The following ADPRHL1 variants were observed in gnomAD, a reference collection of about 807,000 sequenced individuals.
The protein encoded by ADPRHL1 is ADP-ribosylhydrolase like 1, also known as inactive ADP-ribosyltransferase ARH2.
ADPRHL1 carries 43 observed loss-of-function variants against 44.1 expected under a neutral mutation model. That is an observed-to-expected ratio of 0.98 (90% CI 0.76 to 1.26). The LOEUF is 1.26. Ranked by LOEUF, ADPRHL1 falls within the 50% of genes most tolerant of loss-of-function variation. The pLI is 0.00. For missense variants in ADPRHL1, 2,022 were observed against 2,496.9 expected (o/e 0.81, Z 4.05); for synonymous variants, 878 against 1,017.4 (o/e 0.86, Z 2.61).
At position 113,407,408 on chromosome 13, in the gene ADPRHL1, G is replaced by C; in HGVS notation, c.1874C>G (p.Thr625Ser). The change falls in exon 8 of 8, where the codon ACC becomes AGC. Residue 625 changes from threonine to serine, a missense_variant. Around this residue, in one of 8 missense-constraint regions of ADPRHL1, gnomAD observed 1,221 missense variants for 1,517.8 expected, o/e 0.80. Coordinates refer to ENST00000612156, the MANE Select transcript of ADPRHL1 (RefSeq NM_001394807.1). ...AEPLPALSIA[T>S]VVCGPRSWLS... ...CCAGCTCCTGGGGCCACAGACGACGGTGGCGATGCTGAGGGCCGGCAGGGG... is the reference window on the plus strand; with the variant it reads ...CCAGCTCCTGGGGCCACAGACGACGCTGGCGATGCTGAGGGCCGGCAGGGG... 3.2e-6 allele frequency: 4 copies of C among 1,231,936 alleles called. No individual in the cohort carries two copies. The highest frequency in any genetic ancestry group is 4.0e-6 in the Non-Finnish European group (4 of 987,948). 76.3% of individuals were successfully genotyped at this position (1,231,936 alleles called of 1,614,324 possible).
At chr13:113,449,043 C>A (rs1163764527) in intron 1 of ADPRHL1, 2 of 987,140 alleles carry the variant, frequency 2.0e-6, no homozygotes, top group African/African-American at 1.7e-5. Flanking sequence ...GCGCTGGCAA[C>A]ATGGGCTTGT....
rs1341311610 is a variant in ADPRHL1, at chr13:113,401,384, C to A, written c.*1994G>T. 2 of 152,356 alleles carry A rather than the reference C, an allele frequency of 1.3e-5. No homozygotes were observed. Among genetic ancestry groups the A allele is most frequent in the African/African-American group, 2.4e-5 (1 of 41,440 alleles). The allele number at this position is 152,356 out of a possible 1,614,324, so 9.4% of individuals were successfully genotyped here. A position where few individuals can be genotyped will look rare whatever the true frequency, so the allele number is the denominator to read the frequency against. Reference sequence around the variant, plus strand: ...GAGAGAGGGGACCCTGTCCTCCTAGCAGGGGTCCAGCGGCACCACAGCAAG... The same window carrying A: ...GAGAGAGGGGACCCTGTCCTCCTAGAAGGGGTCCAGCGGCACCACAGCAAG... On this transcript the variant is annotated 3_prime_UTR_variant, in exon 8 of 8. Transcript: ENST00000612156. The surrounding 1 kb of genome is among the most constrained non-coding windows in gnomAD (Gnocchi z 5.5).
chr13:113,410,282 G>A (rs957775838), intron 7 of ADPRHL1, among the ~76,000 whole-genome samples: 3 of 152,170 alleles, frequency 2.0e-5, no homozygotes, highest in Non-Finnish European at 4.4e-5. Flanking sequence ...GTGGGCATCA[G>A]TGGATCAAGA....
chr13:113,441,806 T>C lies in ADPRHL1; in HGVS notation c.379+2619A>G, dbSNP rs1293131632. On this transcript the variant is annotated intron_variant, in intron 2 of 7. Transcript: ENST00000612156. This position sits in a 1 kb window ranked among gnomAD's most constrained non-coding sequence, Gnocchi z 6.0. ...GGTCTGTGTCTCTATCACGCTTTAC[T>C]CCACCACACGGGTCCGTGTCTCTGT... is the stretch of plus-strand genomic sequence containing the variant. Among the ~76,000 whole-genome samples, 2 of 151,670 alleles carry C rather than the reference T, an allele frequency of 1.3e-5. No individual in the cohort carries two copies. Among genetic ancestry groups the C allele is most frequent in the Non-Finnish European group, 2.9e-5 (2 of 67,858 alleles).
At chr13:113,444,311 T>C (rs770859746) in intron 2 of ADPRHL1, 114 bp downstream of exon 2, 61 of 1,393,328 alleles carry the variant, frequency 4.4e-5, no homozygotes, top group Non-Finnish European at 5.8e-5. Context: ...TCTAGGCAGA[T>C]CCGGCCTCAC....
chr13:113,448,956 C>G, intron 1 of ADPRHL1: 1 of 985,238 alleles, frequency 1.0e-6, no homozygotes, highest in Non-Finnish European at 1.2e-6. Context: ...GCCGAGCTCT[C>G]TGTGCGAGGC....
At chr13:113,434,387 C>A (rs976587118) in intron 2 of ADPRHL1, among the ~76,000 whole-genome samples, 2 of 148,156 alleles carry the variant, frequency 1.3e-5, no homozygotes, top group South Asian at 4.2e-4. Flanking sequence ...TGGGACCCAG[C>A]ACCCAGGCGT....
intron 1 of ADPRHL1, among the ~76,000 whole-genome samples, chr13:113,451,476 C>T (rs1292363870): frequency 6.6e-6 from 1 of 152,084 alleles, no homozygotes; most frequent in Non-Finnish European, 1.5e-5. Flanking sequence ...TTCCAGTCCA[C>T]AGCTGAGGAC....
intron 2 of ADPRHL1, among the ~76,000 whole-genome samples, chr13:113,437,039 G>A (rs1392917126): frequency 7.0e-6 from 1 of 142,408 alleles, no homozygotes; most frequent in Non-Finnish European, 1.5e-5. Flanking sequence ...TCGGCACCCA[G>A]GCGCAGGGTG....
chr13:113,440,891 G>A (rs1266354638), intron 2 of ADPRHL1, among the ~76,000 whole-genome samples: 2 of 152,144 alleles, frequency 1.3e-5, no homozygotes, highest in Non-Finnish European at 2.9e-5. Context: ...AGTGGCTTAT[G>A]CCTGTAATCC....
Position 113,407,202 on chromosome 13 carries a change from T to C in ADPRHL1, c.2080A>G (p.Met694Val), listed in dbSNP as rs1420000606. The change falls in exon 8 of 8, where the codon ATG becomes GTG. Residue 694 changes from methionine (M) to valine (V), a missense_variant. Coordinates refer to ENST00000612156, the MANE Select transcript of ADPRHL1 (RefSeq NM_001394807.1). ...ACAGCGTGGCCGTCCCTCTGAGCCA[T>C]CACCTGGGGTGTCACGGGCTTCGAG... ...RPSKPVTPQV[M>V]AQRDGHAVPS... 4 of 1,232,116 alleles carry C rather than the reference T, an allele frequency of 3.2e-6. No individual in the cohort carries two copies. The African/African-American group carries it at 6.2e-5, about 19-fold the overall frequency. The allele number at this position is 1,232,116 out of a possible 1,614,324, so 76.3% of individuals were successfully genotyped here.
chr13:113,422,432 A>C, intron 7 of ADPRHL1: 1 of 189,406 alleles, frequency 5.3e-6, no homozygotes, highest in Non-Finnish European at 1.1e-5. Context: ...GGCAGGACAG[A>C]GGGTCTGCAG....
intron 7 of ADPRHL1, among the ~76,000 whole-genome samples, chr13:113,412,718 A>AG (rs2043862026): frequency 7.5e-6 from 1 of 132,642 alleles, no homozygotes; most frequent in Non-Finnish European, 1.6e-5. Context: ...CCGGAGGCTC[A>AG]GTTCACCCAC....
intron 7 of ADPRHL1, among the ~76,000 whole-genome samples, chr13:113,419,842 A>T (rs1015167119): frequency 6.6e-6 from 1 of 152,216 alleles, no homozygotes; most frequent in Non-Finnish European, 1.5e-5. Flanking sequence ...TGTTTGGGGA[A>T]AGAAATAGTG....
At chr13:113,416,891 G>C (rs897506426) in intron 7 of ADPRHL1, among the ~76,000 whole-genome samples, 1 of 152,248 alleles carries the variant, frequency 6.6e-6, no homozygotes, top group African/African-American at 2.4e-5. Context: ...TTGTGTGTGC[G>C]TGCTCATATG....
chr13:113,421,761 G>T (rs1424457673), intron 7 of ADPRHL1, among the ~76,000 whole-genome samples: 1 of 152,324 alleles, frequency 6.6e-6, no homozygotes, highest in African/African-American at 2.4e-5. Context: ...GACGCCCGTG[G>T]GGGTAGGGCT....
intron 1 of ADPRHL1, among the ~76,000 whole-genome samples, chr13:113,447,504 ATGG>A (rs569347383): frequency 2.9e-4 from 44 of 151,000 alleles, no homozygotes; most frequent in African/African-American, 1.1e-3. Flanking sequence ...GTCTACACTC[ATGG>A]TGTTGTGTGT....
At chr13:113,425,707 GTCTC>G (rs2043963799) in intron 4 of ADPRHL1, among the ~76,000 whole-genome samples, 1 of 142,452 alleles carries the variant, frequency 7.0e-6, no homozygotes, top group African/African-American at 2.6e-5. Context: ...TTGAGACGGA[GTCTC>G]TCTCTGTTGC....
In ADPRHL1 at chr13:113,407,840, G is replaced by A. The variant is rs2043820787; in HGVS notation, c.1442C>T (p.Pro481Leu). The change falls in exon 8 of 8, where the codon CCG becomes CTG. Residue 481 changes from proline (P) to leucine (L), a missense_variant. Around this residue, in one of 8 missense-constraint regions of ADPRHL1, gnomAD observed 1,221 missense variants for 1,517.8 expected, o/e 0.80. Transcript: ENST00000612156. Reference protein sequence around the residue: ...INKLLEKTKEPAPKPCLSEKP... With the variant: ...INKLLEKTKELAPKPCLSEKP... ...CTCGCTGAGGCAGGGCTTTGGGGCC[G>A]GCTCCTTGGTCTTCTCCAGGAGCTT... The A allele has an allele frequency of 8.1e-6, 10 of 1,231,946 alleles. No homozygotes were observed. Among genetic ancestry groups the A allele is most frequent in the East Asian group, 6.3e-5 (2 of 31,690 alleles). 76.3% of individuals were successfully genotyped at this position (1,231,946 alleles called of 1,614,324 possible).
Sources: gnomAD v4.1 joint callset for allele counts (sites outside exome capture counted in the v4.1 genomes callset) on GRCh38, gnomAD v4.1.1 for gene constraint, gnomAD v4.1.1 regional missense constraint, Gnocchi (gnomAD v3.1) non-coding constraint, MANE v1.5 for transcripts, NCBI Gene and HGNC (gene_info 2026-07-23, HGNC 2026-07-21) for gene names.